The following PLEKHD1 variants were observed in gnomAD, a reference collection of about 807,000 sequenced individuals.
The protein encoded by PLEKHD1 is pleckstrin homology and coiled-coil domain containing D1.
In PLEKHD1, 51 loss-of-function variants were observed where a neutral mutation model predicts 69.2. The observed-to-expected ratio is 0.74, with a 90% CI of 0.59 to 0.93. PLEKHD1 has a LOEUF of 0.93. PLEKHD1 is among the 40% of genes least tolerant of loss of function. The pLI, the probability that PLEKHD1 is intolerant of heterozygous loss-of-function variation, is 0.00. For synonymous variants in PLEKHD1, 236 were observed against 244.7 expected, an observed-to-expected ratio of 0.96 and a Z score of 0.33; for missense variants, 584 against 641.0, an observed-to-expected ratio of 0.91 and a Z score of 0.96.
rs144495561 is a variant in PLEKHD1, at chr14:69,502,942, G to T, written c.555+63G>T. 728 of 1,536,170 alleles carry T rather than the reference G, an allele frequency of 4.7e-4. 3 individuals are homozygous for T. The African/African-American group carries it at 9.1e-3, about 19-fold the overall frequency. On this transcript the variant is annotated intron_variant, in intron 6 of 12. Coordinates refer to ENST00000322564, the MANE Select transcript of PLEKHD1 (RefSeq NM_001161498.2). Reference sequence around the variant, plus strand: ...TAATGGCTCACGTTTCTAGCACTAGGGAATGATGCAGGGGAGCTGGGTGCA... The same window carrying T: ...TAATGGCTCACGTTTCTAGCACTAGTGAATGATGCAGGGGAGCTGGGTGCA...
chr14:69,522,103 G>T (rs1292753460), intron 6 of PLEKHD1, among the ~76,000 whole-genome samples, 180 bp from the exon 7 acceptor site: 1 of 152,160 alleles, frequency 6.6e-6, no homozygotes, highest in African/African-American at 2.4e-5. Flanking sequence ...TTTTGGGTTT[G>T]TCAGGACTAC....
chr14:69,526,134 C>G lies in PLEKHD1; in HGVS notation c.923+12C>G, dbSNP rs1223187235. Reference sequence around the variant, plus strand: ...CTGGCAGAGAAGCGGTGAGGGAGCCCCGACCCCTGAAGACACCATTGACTT... The same window carrying G: ...CTGGCAGAGAAGCGGTGAGGGAGCCGCGACCCCTGAAGACACCATTGACTT... On this transcript the variant is annotated intron_variant, in intron 9 of 12. Transcript: ENST00000322564. 6.5e-7 allele frequency: 1 copy of G among 1,545,102 alleles called. No individual in the cohort carries two copies. Among genetic ancestry groups the G allele is most frequent in the African/African-American group, 1.4e-5 (1 of 72,458 alleles).
chr14:69,498,658 C>CTTCTCTTCTCTTCTG (rs1455309480), intron 1 of PLEKHD1, among the ~76,000 whole-genome samples: 1 of 135,572 alleles, frequency 7.4e-6, no homozygotes, highest in African/African-American at 2.9e-5. Context: ...CTTCTCTTCT[C>CTTCTCTTCTCTTCTG]TTCTTTGAGA....
chr14:69,499,370 G>A (rs979741753), intron 1 of PLEKHD1, among the ~76,000 whole-genome samples: 2 of 152,226 alleles, frequency 1.3e-5, no homozygotes, highest in African/African-American at 4.8e-5. Flanking sequence ...CACTCTGGGT[G>A]TCCCTGAATC....
At chr14:69,495,221 G>A (rs1024338247) in intron 1 of PLEKHD1, among the ~76,000 whole-genome samples, 7 of 152,194 alleles carry the variant, frequency 4.6e-5, no homozygotes, top group African/African-American at 1.4e-4. Context: ...TGTGTGCCAG[G>A]CAAGTGCTGA....
chr14:69,481,518 A>G (rs566942586), upstream of PLEKHD1, among the ~76,000 whole-genome samples: 1 of 152,198 alleles, frequency 6.6e-6, no homozygotes, highest in African/African-American at 2.4e-5. Flanking sequence ...TTCACTTCAC[A>G]TGACAGTGTG....
At position 69,527,321 on chromosome 14, in the gene PLEKHD1, G is replaced by C; in HGVS notation, c.1190G>C (p.Ser397Thr). The change falls in exon 11 of 13, where the codon AGC (serine) becomes ACC (threonine). Residue 397 changes from serine (S) to threonine (T), a missense_variant. Ser to Thr is a moderately conservative substitution (Grantham distance 58, BLOSUM62 1). Coordinates refer to ENST00000322564, the MANE Select transcript of PLEKHD1 (RefSeq NM_001161498.2). ...GAGGAGAGGATGCGGGCTGATGTGA[G>C]CCATCTGAAAAGTAAGCCCTGCCTC... Reference protein sequence around the residue: ...EKEERMRADVSHLKRFFEECI... With the variant: ...EKEERMRADVTHLKRFFEECI... The C allele has an allele frequency of 1.9e-6, 3 of 1,551,702 alleles. No individual in the cohort carries two copies. The highest frequency in any genetic ancestry group is 2.6e-6 in the Non-Finnish European group (3 of 1,147,002).
At chr14:69,524,208 C>T (rs1248800855) in intron 7 of PLEKHD1, 21 bp from the exon 8 acceptor site, 4 of 1,536,222 alleles carry the variant, frequency 2.6e-6, no homozygotes, top group African/African-American at 2.8e-5. Flanking sequence ...CACTGCCATA[C>T]CCAGCCCTCT....
chr14:69,525,031 A>G (rs962438037), intron 8 of PLEKHD1, among the ~76,000 whole-genome samples: 4 of 151,806 alleles, frequency 2.6e-5, no homozygotes, highest in African/African-American at 9.7e-5. Flanking sequence ...GAGAACTTCT[A>G]TTCACCCTTC....
chr14:69,527,726 C>T lies in PLEKHD1; in HGVS notation c.1202-57C>T, dbSNP rs1427586782. On this transcript the variant is annotated intron_variant, in intron 11 of 12. Coordinates refer to ENST00000322564, the MANE Select transcript of PLEKHD1 (RefSeq NM_001161498.2). ...ACCAGGATCCTTGGGAAGGGAGGGA[C>T]TGGCTGGGGGTAAGGATGCAGTCGG... 10 of 1,534,072 alleles carry T rather than the reference C, an allele frequency of 6.5e-6. No homozygotes were observed. In the East Asian group the frequency reaches 2.2e-4, roughly 34 times the overall value.
intron 1 of PLEKHD1, among the ~76,000 whole-genome samples, chr14:69,494,924 C>T (rs962608780): frequency 2.0e-5 from 3 of 152,160 alleles, no homozygotes; most frequent in African/African-American, 7.2e-5. Flanking sequence ...GTGAGCCCTC[C>T]GTTGGGCCGA....
In PLEKHD1 at chr14:69,485,109, C is replaced by G; in HGVS notation, c.144C>G (p.Ser48=). Residue 48 remains serine, a synonymous_variant, in exon 1 of 13, where the codon TCC becomes TCG. Transcript: ENST00000322564. The part of the protein sequence containing the change: ...RPFGRPSAKW[S]RRFFIIKESF... ...TCGGCAGGCCGTCGGCCAAGTGGTCCCGGCGGTGAGTGCGCCCCCGCGCCC... is the reference window on the plus strand; with the variant it reads ...TCGGCAGGCCGTCGGCCAAGTGGTCGCGGCGGTGAGTGCGCCCCCGCGCCC... The G allele has an allele frequency of 6.5e-7, 1 of 1,549,774 alleles. No homozygotes were observed. The highest frequency in any genetic ancestry group is 1.2e-5 in the South Asian group (1 of 84,006).
intron 6 of PLEKHD1, among the ~76,000 whole-genome samples, chr14:69,508,906 A>G (rs569671050): frequency 6.6e-6 from 1 of 152,232 alleles, no homozygotes; most frequent in Non-Finnish European, 1.5e-5. Flanking sequence ...GATGGCCCTC[A>G]GTAAGCCTTT....
intron 7 of PLEKHD1, among the ~76,000 whole-genome samples, 168 bp downstream of exon 7, chr14:69,522,545 T>G (rs1883541409): frequency 6.6e-6 from 1 of 152,074 alleles, no homozygotes; most frequent in Non-Finnish European, 1.5e-5. Flanking sequence ...CAGGTTTGAG[T>G]GTTCCCAGAA....
intron 1 of PLEKHD1, among the ~76,000 whole-genome samples, chr14:69,491,690 C>T (rs1332122895): frequency 1.3e-5 from 2 of 152,126 alleles, no homozygotes; most frequent in South Asian, 4.1e-4. Context: ...TCCAGATGGG[C>T]TTATCATGAG....
chr14:69,522,146 C>A, intron 6 of PLEKHD1, 137 bp from the exon 7 acceptor site: 1 of 771,138 alleles, frequency 1.3e-6, no homozygotes, highest in Non-Finnish European at 2.1e-6. Flanking sequence ...GGCCTTAGAA[C>A]TTAATTCCCG....
At chr14:69,484,009 G>C (rs1882595630), upstream of PLEKHD1, among the ~76,000 whole-genome samples, 1 of 152,270 alleles carries the variant, frequency 6.6e-6, no homozygotes. Flanking sequence ...ACACTGCACG[G>C]ATAGCTCCAG....
intron 6 of PLEKHD1, among the ~76,000 whole-genome samples, chr14:69,518,223 G>A (rs780585782): frequency 2.0e-5 from 3 of 151,848 alleles, no homozygotes; most frequent in Non-Finnish European, 4.4e-5. Context: ...TTTATTTTTA[G>A]TAGAGATGGG....
intron 1 of PLEKHD1, among the ~76,000 whole-genome samples, chr14:69,486,581 C>T (rs1882660048): frequency 3.3e-5 from 5 of 152,162 alleles, no homozygotes; most frequent in Admixed American, 2.0e-4. Context: ...ATATCTCCCC[C>T]CACCACCCAT....
Sources: gnomAD v4.1 joint callset for allele counts (sites outside exome capture counted in the v4.1 genomes callset) on GRCh38, gnomAD v4.1.1 for gene constraint, MANE v1.5 for transcripts, NCBI Gene and HGNC (gene_info 2026-07-23, HGNC 2026-07-21) for gene names.